KCNB2: variants seen among roughly 807,000 people sequenced by gnomAD.
The protein encoded by KCNB2 is delayed rectifier potassium channel protein.
Under a neutral mutation model 61.5 loss-of-function variants are expected in KCNB2, and 15 were observed. That is an observed-to-expected ratio of 0.24 (90% CI 0.16 to 0.38). The LOEUF (loss-of-function observed/expected upper bound fraction) is 0.38. KCNB2 is among the 10% of genes least tolerant of loss of function. The pLI, the probability that KCNB2 is intolerant of heterozygous loss-of-function variation, is 1.00. For missense variants in KCNB2, 828 were observed against 1,125.2 expected, an observed-to-expected ratio of 0.74 and a Z score of 3.78; for synonymous variants, 457 against 446.0, an observed-to-expected ratio of 1.02 and a Z score of -0.31.
chr8:72,796,445 T>C (rs545520382), intron 2 of KCNB2, among the ~76,000 whole-genome samples: 1 of 152,338 alleles, frequency 6.6e-6, no homozygotes, highest in Non-Finnish European at 1.5e-5. Context: ...AGCGATTTGG[T>C]AACTTTCCAA....
At chr8:72,850,457 G>A (rs1810081582) in intron 2 of KCNB2, among the ~76,000 whole-genome samples, 1 of 152,136 alleles carries the variant, frequency 6.6e-6, no homozygotes, top group African/African-American at 2.4e-5. Flanking sequence ...CTGGGCTTAA[G>A]TGATCCTCCT....
intron 2 of KCNB2, among the ~76,000 whole-genome samples, chr8:72,793,552 A>G (rs1808979509): frequency 1.3e-5 from 2 of 152,196 alleles, no homozygotes; most frequent in Non-Finnish European, 2.9e-5. Context: ...CAATGTTTCT[A>G]TAGTAACTCT....
chr8:72,605,431 A>G (rs1237280043), intron 2 of KCNB2, among the ~76,000 whole-genome samples: 1 of 152,184 alleles, frequency 6.6e-6, no homozygotes, highest in Non-Finnish European at 1.5e-5. Flanking sequence ...GAAGATTTTT[A>G]ACTACGGGGA....
At chr8:72,822,703 T>C (rs1240706557) in intron 2 of KCNB2, among the ~76,000 whole-genome samples, 1 of 152,204 alleles carries the variant, frequency 6.6e-6, no homozygotes, top group Non-Finnish European at 1.5e-5. Flanking sequence ...TATAACTCTT[T>C]AATGGTTTTC....
intron 2 of KCNB2, among the ~76,000 whole-genome samples, chr8:72,921,979 C>T (rs1270418709): frequency 6.6e-6 from 1 of 152,208 alleles, no homozygotes; most frequent in Admixed American, 6.5e-5. Flanking sequence ...GACCTTCTCA[C>T]TGAATAATAT....
At chr8:72,929,365 T>G (rs1806724944) in intron 2 of KCNB2, among the ~76,000 whole-genome samples, 1 of 152,204 alleles carries the variant, frequency 6.6e-6, no homozygotes. Flanking sequence ...AGCCCTCTTC[T>G]GAACTCCCTG....
chr8:72,727,811 A>G (rs1280341263), intron 2 of KCNB2, among the ~76,000 whole-genome samples: 2 of 152,328 alleles, frequency 1.3e-5, no homozygotes, highest in South Asian at 2.1e-4. Context: ...TCCTTTATAT[A>G]AGAAGGAAAT....
intron 2 of KCNB2, among the ~76,000 whole-genome samples, chr8:72,726,128 G>A (rs1403150439): frequency 1.3e-5 from 2 of 152,134 alleles, no homozygotes; most frequent in Non-Finnish European, 2.9e-5. Context: ...AGGTAATTAG[G>A]TTAAGATGAA....
At chr8:72,886,676 C>G (rs16938467) in intron 2 of KCNB2, among the ~76,000 whole-genome samples, 1 of 152,196 alleles carries the variant, frequency 6.6e-6, no homozygotes, top group African/African-American at 2.4e-5. Context: ...GAGCTGGCCT[C>G]GACACTACGT....
At chr8:72,541,742 A>G (rs1028565840) in intron 1 of KCNB2, among the ~76,000 whole-genome samples, 3 of 152,120 alleles carry the variant, frequency 2.0e-5, no homozygotes, top group African/African-American at 7.2e-5. Flanking sequence ...ATGCTAACAC[A>G]TTAGAAACTA....
intron 2 of KCNB2, among the ~76,000 whole-genome samples, chr8:72,766,538 T>A (rs1808462315): frequency 6.6e-6 from 1 of 152,220 alleles, no homozygotes; most frequent in African/African-American, 2.4e-5. Flanking sequence ...CCTGTGAGAT[T>A]TCCCAAACAG....
intron 1 of KCNB2, among the ~76,000 whole-genome samples, chr8:72,539,327 C>T (rs542064915): frequency 3.3e-5 from 5 of 152,146 alleles, no homozygotes; most frequent in African/African-American, 7.2e-5. Context: ...GAAGGTCCAA[C>T]GTAGAAATAA....
chr8:72,848,262 G>A (rs1312433723), intron 2 of KCNB2, among the ~76,000 whole-genome samples: 6 of 152,188 alleles, frequency 3.9e-5, no homozygotes, highest in Non-Finnish European at 5.9e-5. Context: ...AGGGCTTGGA[G>A]CTTTGGCTCC....
chr8:72,938,191 C>A lies in KCNB2; in HGVS notation c.*100C>A. ...GCCTGTGAACTAAAAAAATGGGAAG[C>A]CCTCCCCAAAAAAAGTGCATAAAAT... On this transcript the variant is annotated 3_prime_UTR_variant, in exon 3 of 3. Coordinates refer to ENST00000523207, the MANE Select transcript of KCNB2 (RefSeq NM_004770.3). The A allele has an allele frequency of 1.1e-6, 1 of 932,264 alleles. No individual in the cohort carries two copies. The highest frequency in any genetic ancestry group is 1.6e-6 in the Non-Finnish European group (1 of 610,162). 57.7% of individuals were successfully genotyped at this position (932,264 alleles called of 1,614,324 possible).
intron 2 of KCNB2, among the ~76,000 whole-genome samples, chr8:72,806,355 G>GAAAA (rs113106261): frequency 3.1e-5 from 3 of 97,398 alleles, no homozygotes; most frequent in Non-Finnish European, 4.4e-5. Context: ...GAGACTCTAA[G>GAAAA]AAAAAAAAAA....
At chr8:72,677,341 A>G (rs1806672101) in intron 2 of KCNB2, among the ~76,000 whole-genome samples, 1 of 152,164 alleles carries the variant, frequency 6.6e-6, no homozygotes, top group Admixed American at 6.6e-5. Flanking sequence ...CTGGGAATCT[A>G]CTACAGGCCA....
At chr8:72,874,657 G>A (rs1805674670) in intron 2 of KCNB2, among the ~76,000 whole-genome samples, 1 of 152,222 alleles carries the variant, frequency 6.6e-6, no homozygotes, top group South Asian at 2.1e-4. Context: ...TTGCAGCCGA[G>A]GCTCCTGCTC....
Position 72,936,251 on chromosome 8 carries a change from T to C in KCNB2, c.896T>C (p.Val299Ala). The C allele has an allele frequency of 6.2e-7, 1 of 1,614,244 alleles. No individual in the cohort carries two copies. The highest frequency in any genetic ancestry group is 1.6e-4 in the Middle Eastern group (1 of 6,062). Residue 299 changes from valine (V) to alanine (A), a missense_variant, in exon 3 of 3, where the codon GTG (valine) becomes GCG (alanine). This residue lies in a region of KCNB2 where 163 missense variants were observed against 314.4 expected (regional missense o/e 0.52). Coordinates refer to ENST00000523207, the MANE Select transcript of KCNB2 (RefSeq NM_004770.3). The surrounding 1 kb of genome is among the most constrained non-coding windows in gnomAD (Gnocchi z 5.6). ...SVLQFQNVRR[V>A]VQIFRIMRIL... Reference sequence around the variant, plus strand: ...CTGCAGTTCCAAAACGTGAGGCGCGTGGTCCAGATCTTCCGAATCATGCGC... The same window carrying C: ...CTGCAGTTCCAAAACGTGAGGCGCGCGGTCCAGATCTTCCGAATCATGCGC...
At chr8:72,606,832 A>G (rs1805459580) in intron 2 of KCNB2, among the ~76,000 whole-genome samples, 2 of 152,152 alleles carry the variant, frequency 1.3e-5, no homozygotes, top group African/African-American at 4.8e-5. Context: ...AAGGCAGAAA[A>G]GTGTATCTGA....
Sources: gnomAD v4.1 joint callset for allele counts (sites outside exome capture counted in the v4.1 genomes callset) on GRCh38, gnomAD v4.1.1 for gene constraint, gnomAD v4.1.1 regional missense constraint, Gnocchi (gnomAD v3.1) non-coding constraint, MANE v1.5 for transcripts, NCBI Gene and HGNC (gene_info 2026-07-23, HGNC 2026-07-21) for gene names.